Variants in ADAMTS19 observed in about 807,000 individuals in gnomAD.
The protein encoded by ADAMTS19 is A disintegrin and metalloproteinase with thrombospondin motifs 19.
ADAMTS19 carries 93 observed loss-of-function variants against 153.3 expected under a neutral mutation model. The ratio of observed to expected loss-of-function variants is 0.61; its 90% CI spans 0.51 to 0.72. The LOEUF (loss-of-function observed/expected upper bound fraction) is 0.72, where lower values mean the gene tolerates loss of function less well. Ranked by LOEUF, ADAMTS19 falls within the 30% of genes least tolerant of loss-of-function variation. The probability of loss-of-function intolerance (pLI) is 0.00; values close to 1 mark genes in which losing one functional copy is unlikely to be tolerated. For synonymous variants in ADAMTS19, 600 were observed against 556.6 expected, an observed-to-expected ratio of 1.08 and a Z score of -1.10; for missense variants, 1,482 against 1,552.1, an observed-to-expected ratio of 0.95 and a Z score of 0.76.
chr5:129,648,535 TTACTC>T (rs1472307362), intron 12 of ADAMTS19, among the ~76,000 whole-genome samples: 1 of 152,190 alleles, frequency 6.6e-6, no homozygotes, highest in Non-Finnish European at 1.5e-5. Context: ...TTTCTGCCCT[TTACTC>T]TAATGTATCA....
chr5:129,472,424 G>A (rs1750097885), intron 2 of ADAMTS19, among the ~76,000 whole-genome samples: 1 of 152,168 alleles, frequency 6.6e-6, no homozygotes, highest in Non-Finnish European at 1.5e-5. Context: ...GAAAGTTCCA[G>A]TAATGGTAAA....
chr5:129,480,897 CTG>C (rs1320810197), intron 2 of ADAMTS19, among the ~76,000 whole-genome samples: 2 of 152,004 alleles, frequency 1.3e-5, no homozygotes, highest in Non-Finnish European at 2.9e-5. Flanking sequence ...AAGGACAAAA[CTG>C]TGGATCAGTG....
intron 2 of ADAMTS19, among the ~76,000 whole-genome samples, chr5:129,499,681 A>G (rs1360064669): frequency 1.3e-5 from 2 of 152,130 alleles, no homozygotes; most frequent in African/African-American, 2.4e-5. Context: ...GAAGCACACC[A>G]TGATAAAATT....
At chr5:129,722,355 T>C (rs1046058832) in intron 21 of ADAMTS19, among the ~76,000 whole-genome samples, 6 of 152,332 alleles carry the variant, frequency 3.9e-5, no homozygotes, top group African/African-American at 1.4e-4. Context: ...TGATCAGTGA[T>C]GTTGAGCTTT....
chr5:129,610,093 T>TTATATA (rs10618467), intron 8 of ADAMTS19, among the ~76,000 whole-genome samples: 28 of 150,236 alleles, frequency 1.9e-4, no homozygotes, highest in African/African-American at 6.4e-4. Context: ...GGTAGTGGTA[T>TTATATA]TATATATATA....
chr5:129,494,920 A>G (rs978787455), intron 2 of ADAMTS19, among the ~76,000 whole-genome samples: 57 of 152,140 alleles, frequency 3.7e-4, no homozygotes, highest in Admixed American at 3.4e-3. Context: ...GGCAAAGCAT[A>G]TGTAGTGAGA....
At chr5:129,477,327 C>T (rs1379806879) in intron 2 of ADAMTS19, among the ~76,000 whole-genome samples, 1 of 152,054 alleles carries the variant, frequency 6.6e-6, no homozygotes, top group East Asian at 1.9e-4. Flanking sequence ...AATTTAATGT[C>T]CATGGTTGTT....
chr5:129,525,138 G>A (rs370018143), intron 3 of ADAMTS19, among the ~76,000 whole-genome samples: 2 of 152,134 alleles, frequency 1.3e-5, no homozygotes, highest in South Asian at 2.1e-4. Context: ...TTGTACATGC[G>A]ATTTGTATGC....
In ADAMTS19 at chr5:129,460,303, C is replaced by G; in HGVS notation, c.-89C>G. The G allele has an allele frequency of 1.8e-6, 2 of 1,124,030 alleles. No individual in the cohort carries two copies. 69.6% of individuals were successfully genotyped at this position (1,124,030 alleles called of 1,614,324 possible). On this transcript the variant is annotated 5_prime_UTR_variant, in exon 1 of 23. Coordinates refer to ENST00000274487, the MANE Select transcript of ADAMTS19 (RefSeq NM_133638.6). ...CCTGGGCAAATTCGCCGCCCGGCCTCCTAGCGCTCCGGGGAGGCCGCTGCG... is the reference window on the plus strand; with the variant it reads ...CCTGGGCAAATTCGCCGCCCGGCCTGCTAGCGCTCCGGGGAGGCCGCTGCG...
At chr5:129,692,782 C>T in intron 18 of ADAMTS19, among the ~76,000 whole-genome samples, 1 of 152,244 alleles carries the variant, frequency 6.6e-6, no homozygotes, top group Admixed American at 6.5e-5. Flanking sequence ...ACTTTTTAAC[C>T]TGTGGTTGGA....
chr5:129,612,083 A>C (rs1025561466), intron 8 of ADAMTS19, among the ~76,000 whole-genome samples: 1 of 150,196 alleles, frequency 6.7e-6, no homozygotes, highest in African/African-American at 2.4e-5. Context: ...TTAACTCATC[A>C]TTTAGCATTA....
chr5:129,615,039 A>T (rs1336904334), intron 8 of ADAMTS19, among the ~76,000 whole-genome samples: 1 of 150,726 alleles, frequency 6.6e-6, no homozygotes, highest in Non-Finnish European at 1.5e-5. Flanking sequence ...ATAAAAGAGG[A>T]TACAAACAAA....
chr5:129,691,527 AACTC>A (rs1755336341), intron 18 of ADAMTS19, among the ~76,000 whole-genome samples: 1 of 152,166 alleles, frequency 6.6e-6, no homozygotes, highest in Admixed American at 6.6e-5. Flanking sequence ...ATAAAAGAAA[AACTC>A]AAACAATAAC....
At chr5:129,628,955 A>G (rs947309668) in intron 10 of ADAMTS19, among the ~76,000 whole-genome samples, 2 of 152,034 alleles carry the variant, frequency 1.3e-5, no homozygotes, top group Admixed American at 6.6e-5. Flanking sequence ...CATTTCTCAA[A>G]ATGTATTCCC....
chr5:129,713,382 A>G (rs1388089538), intron 21 of ADAMTS19, among the ~76,000 whole-genome samples: 1 of 152,248 alleles, frequency 6.6e-6, no homozygotes, highest in African/African-American at 2.4e-5. Context: ...CAGGATAACT[A>G]GAGAAATACA....
chr5:129,637,041 T>G (rs1752563350), intron 10 of ADAMTS19, among the ~76,000 whole-genome samples: 1 of 150,170 alleles, frequency 6.7e-6, no homozygotes, highest in African/African-American at 2.5e-5. Flanking sequence ...TTTTTCTCTT[T>G]TTTGCCTCTT....
intron 21 of ADAMTS19, among the ~76,000 whole-genome samples, chr5:129,716,867 T>TA (rs1214016288): frequency 6.6e-6 from 1 of 152,214 alleles, no homozygotes; most frequent in African/African-American, 2.4e-5. Context: ...AACTACCAGA[T>TA]ACTGTGGCTC....
intron 21 of ADAMTS19, among the ~76,000 whole-genome samples, chr5:129,731,252 C>G (rs186356458): frequency 2.6e-4 from 39 of 152,174 alleles, no homozygotes; most frequent in African/African-American, 8.7e-4. Context: ...GCCACCACAC[C>G]CAGCCTAAGA....
chr5:129,613,970 C>T lies in ADAMTS19; in HGVS notation c.1479-6648C>T, dbSNP rs574921267. ...ATAAATTCCTGGACACATACACCCT[C>T]TCAAGACTAAACCAGGAAGAAGTTG... On this transcript the variant is annotated intron_variant, in intron 8 of 22. Coordinates refer to ENST00000274487, the MANE Select transcript of ADAMTS19 (RefSeq NM_133638.6). 4.6e-5 allele frequency among the ~76,000 whole-genome samples: 7 copies of T among 152,246 alleles called. No homozygotes were observed. The South Asian group carries it at 1.5e-3, about 32-fold the overall frequency.
Sources: allele counts gnomAD v4.1 joint callset (sites outside exome capture counted in the v4.1 genomes callset), GRCh38; gene constraint gnomAD v4.1.1; transcripts MANE v1.5; gene names NCBI Gene and HGNC (gene_info 2026-07-23, HGNC 2026-07-21).